The following PHF11 variants were observed in gnomAD, a reference collection of about 807,000 sequenced individuals.
The protein encoded by PHF11 is BRCA1 C-terminus-associated protein.
In PHF11, 38 loss-of-function variants were observed where a neutral mutation model predicts 40.5. That is an observed-to-expected ratio of 0.94 (90% CI 0.72 to 1.23). The LOEUF (loss-of-function observed/expected upper bound fraction) is 1.23. Ranked by LOEUF, PHF11 falls within the 50% of genes most tolerant of loss-of-function variation. The probability of loss-of-function intolerance (pLI) is 0.00; values close to 1 mark genes in which losing one functional copy is unlikely to be tolerated. For synonymous variants in PHF11, 127 were observed against 138.2 expected (o/e 0.92, Z 0.57); for missense variants, 369 against 392.4 (o/e 0.94, Z 0.50).
chr13:49,528,432 G>C, intron 9 of PHF11, 79 bp from the exon 10 acceptor site: 1 of 1,027,312 alleles, frequency 9.7e-7, no homozygotes. Context: ...ACCTGCAAGT[G>C]AAAGGGGCTA....
intron 6 of PHF11, among the ~76,000 whole-genome samples, chr13:49,522,455 C>T (rs1959192789): frequency 6.6e-6 from 1 of 152,174 alleles, no homozygotes; most frequent in Admixed American, 6.5e-5. Context: ...CCCACAGGTG[C>T]TTACAGTTAA....
rs1283093329 is a variant in PHF11, at chr13:49,528,529, A to T, written c.860A>T (p.His287Leu). ...TTCATAGCAATAGAGAAAAAAATTC[A>T]TGCATCTCAACAAAGGTGGCAGCAG... ...NFQAAIEKKI[H>L]ASQQRWQQLK... The change falls in exon 10 of 10, where the codon CAT becomes CTT. Residue 287 changes from histidine to leucine, a missense_variant. Physicochemically the swap from His to Leu is moderately conservative, Grantham distance 99. Transcript: ENST00000378319. The T allele has an allele frequency of 6.2e-7, 1 of 1,601,534 alleles. No individual in the cohort carries two copies. Among genetic ancestry groups the T allele is most frequent in the Admixed American group, 1.8e-5 (1 of 56,786 alleles).
chr13:49,498,417 G>A lies in PHF11; in HGVS notation c.94+2322G>A, dbSNP rs567058528. Among the ~76,000 whole-genome samples the A allele has an allele frequency of 3.3e-4, 43 of 130,756 alleles. 1 individual carries two copies. Among genetic ancestry groups the A allele is most frequent in the African/African-American group, 1.2e-3 (32 of 26,578 alleles). 85.8% of individuals were successfully genotyped at this position (130,756 alleles called of 152,430 possible). On this transcript the variant is annotated intron_variant, in intron 1 of 9. Coordinates refer to ENST00000378319, the MANE Select transcript of PHF11 (RefSeq NM_001040443.3). Reference sequence around the variant, plus strand: ...TCTGACAGTAACCTAGTACATTTCCGGTAGATCATTCTGACAGTAACCTAG... The same window carrying A: ...TCTGACAGTAACCTAGTACATTTCCAGTAGATCATTCTGACAGTAACCTAG...
chr13:49,528,533 A>C lies in PHF11; in HGVS notation c.864A>C (p.Ala288=), dbSNP rs1321988882. ...TAGCAATAGAGAAAAAAATTCATGC[A>C]TCTCAACAAAGGTGGCAGCAGTTGA... ...FQAAIEKKIH[A]SQQRWQQLKE... is the part of the protein sequence containing the mutation. Residue 288 remains alanine, a synonymous_variant, in exon 10 of 10, where the codon GCA becomes GCC. Coordinates refer to ENST00000378319, the MANE Select transcript of PHF11 (RefSeq NM_001040443.3). The C allele has an allele frequency of 6.2e-7, 1 of 1,604,460 alleles. No individual in the cohort carries two copies. The highest frequency in any genetic ancestry group is 2.2e-5 in the East Asian group (1 of 44,836).
rs1959209206 is a variant in PHF11 at position 49,524,170 on chromosome 13, T to C, written c.723T>C (p.Val241=). Residue 241 remains valine (V), a synonymous_variant, in exon 8 of 10, where the codon GTT becomes GTC. Transcript: ENST00000378319. The stretch of plus-strand genomic sequence containing the variant: ...TACTTGAAGAAATATTAGACAAAGT[T>C]CATTCAATTCCAGAAAAACTCATGG... ...NYLLEEILDK[V]HSIPEKLMDE... 2 of 1,609,168 alleles carry C rather than the reference T, an allele frequency of 1.2e-6. No homozygotes were observed. The highest frequency in any genetic ancestry group is 1.7e-5 in the Admixed American group (1 of 59,784).
At chr13:49,504,610 C>T (rs375985241) in intron 1 of PHF11, among the ~76,000 whole-genome samples, 3,106 of 146,540 alleles carry the variant, frequency 0.021, 42 homozygotes, top group South Asian at 0.06. Flanking sequence ...AGCCCCCCGC[C>T]CGGCCAGCCG....
At chr13:49,515,130 C>G (rs748297367) in intron 3 of PHF11, among the ~76,000 whole-genome samples, 3 of 152,030 alleles carry the variant, frequency 2.0e-5, no homozygotes, top group Non-Finnish European at 4.4e-5. Context: ...TGCAGACTTC[C>G]CTACTGGGAA....
intron 1 of PHF11, among the ~76,000 whole-genome samples, chr13:49,501,017 G>GTTTTTTTTTTTTT (rs1491587127): frequency 9.2e-6 from 1 of 108,824 alleles, no homozygotes; most frequent in Non-Finnish European, 1.7e-5. Context: ...TTTTTTTTTG[G>GTTTTTTTTTTTTT]TTTTTTTTTT....
rs982715195 is a variant in PHF11 at position 49,509,687 on chromosome 13, A to C, written c.216+2931A>C. On this transcript the variant is annotated intron_variant, in intron 2 of 9. Transcript: ENST00000378319. ...ATGATAGTGATAGTGAATAAATCTC[A>C]TGAAATCTGATGGTTTTATAAAGAG... Among the ~76,000 whole-genome samples the C allele has an allele frequency of 2.6e-5, 4 of 152,232 alleles. No homozygotes were observed. In the South Asian group the frequency reaches 8.3e-4, roughly 32 times the overall value.
Position 49,522,126 on chromosome 13 carries a change from T to C in PHF11, c.570+19T>C, listed in dbSNP as rs781427083. 2 of 1,336,232 alleles carry C rather than the reference T, an allele frequency of 1.5e-6. No homozygotes were observed. Among genetic ancestry groups the C allele is most frequent in the African/African-American group, 1.4e-5 (1 of 69,400 alleles). The allele number at this position is 1,336,232 out of a possible 1,614,324, so 82.8% of individuals were successfully genotyped here. ...TGTACAGGTAATTTGACTTAGTTTT[T>C]ATAGCTTTGCATTTCTTCATACAGA... On this transcript the variant is annotated intron_variant, in intron 6 of 9. Transcript: ENST00000378319.
At chr13:49,528,460 CT>C (rs1172140047) in intron 9 of PHF11, 50 bp from the exon 10 acceptor site, 1 of 1,292,396 alleles carries the variant, frequency 7.7e-7, no homozygotes, top group Non-Finnish European at 1.1e-6. Context: ...TACATTATTT[CT>C]AATAAAACTA....
At chr13:49,496,504 AG>A in intron 1 of PHF11, 1 of 963,154 alleles carries the variant, frequency 1.0e-6, no homozygotes, top group African/African-American at 1.7e-5. Flanking sequence ...GGCGGCCCTG[AG>A]GGAAGAGCTG....
chr13:49,528,544 G>A lies in PHF11; in HGVS notation c.875G>A (p.Arg292Lys). The change falls in exon 10 of 10, where the codon AGG becomes AAG. Residue 292 changes from arginine to lysine, a missense_variant. Arg to Lys is a conservative substitution (Grantham distance 26). Transcript: ENST00000378319. Reference sequence around the variant, plus strand: ...AAAAAAATTCATGCATCTCAACAAAGGTGGCAGCAGTTGAAGGAAGAGATT... The same window carrying A: ...AAAAAAATTCATGCATCTCAACAAAAGTGGCAGCAGTTGAAGGAAGAGATT... ...IEKKIHASQQ[R>K]WQQLKEEIEL... The A allele has an allele frequency of 6.2e-7, 1 of 1,610,148 alleles. No individual in the cohort carries two copies. The highest frequency in any genetic ancestry group is 8.5e-7 in the Non-Finnish European group (1 of 1,178,134).
intron 7 of PHF11, 187 bp downstream of exon 7, chr13:49,523,428 T>C: frequency 1.7e-6 from 1 of 596,886 alleles, no homozygotes; most frequent in Non-Finnish European, 3.0e-6. Context: ...ATAACTTAGG[T>C]TGGAATGGTC....
chr13:49,497,305 TCA>T (rs1435266365), intron 1 of PHF11: 2 of 695,692 alleles, frequency 2.9e-6, no homozygotes, highest in Non-Finnish European at 4.5e-6. Flanking sequence ...TGAAATGATC[TCA>T]AACTGAGTAT....
At position 49,523,216 on chromosome 13, in the gene PHF11, G is replaced by T; in HGVS notation, c.612G>T (p.Val204=). ...AATGTAATACATTCATAAGACAAGT[G>T]AAAGAAGAGCATGGCAGACACACAG... ...TMKCNTFIRQ[V]KEEHGRHTDA... Residue 204 remains valine (V), a synonymous_variant, in exon 7 of 10, where the codon GTG becomes GTT. Transcript: ENST00000378319. 6.2e-7 allele frequency: 1 copy of T among 1,612,314 alleles called. No individual in the cohort carries two copies. Among genetic ancestry groups the T allele is most frequent in the Non-Finnish European group, 8.5e-7 (1 of 1,178,346 alleles).
chr13:49,506,856 T>C, intron 2 of PHF11, 100 bp downstream of exon 2: 1 of 656,558 alleles, frequency 1.5e-6, no homozygotes, highest in Non-Finnish European at 2.3e-6. Context: ...AATAACAAGT[T>C]GGCCATGGTT....
chr13:49,511,327 C>CTTTTTT (rs10627347), intron 2 of PHF11, among the ~76,000 whole-genome samples: 4 of 125,878 alleles, frequency 3.2e-5, no homozygotes, highest in Admixed American at 8.8e-5. Flanking sequence ...TGTTCAATGG[C>CTTTTTT]TTTTTTTTTT....
chr13:49,517,467 TTAA>T lies in PHF11; in HGVS notation c.325-548_325-546del, dbSNP rs555320936. ...AATAAATTGAACCAAGAAAAAACTG[TTAA>T]TAGAGTTGTAGAATTTTTAAAAATT... On this transcript the variant is annotated intron_variant, in intron 3 of 9. Coordinates refer to ENST00000378319, the MANE Select transcript of PHF11 (RefSeq NM_001040443.3). Among the ~76,000 whole-genome samples, 124 of 152,268 alleles carry T rather than the reference TTAA, an allele frequency of 8.1e-4. 1 individual carries two copies. The highest frequency in any genetic ancestry group is 2.9e-3 in the African/African-American group (121 of 41,532).
Sources: allele counts gnomAD v4.1 joint callset (sites outside exome capture counted in the v4.1 genomes callset), GRCh38; gene constraint gnomAD v4.1.1; transcripts MANE v1.5; gene names NCBI Gene and HGNC (gene_info 2026-07-23, HGNC 2026-07-21).